The following CRTC3 variants were observed in gnomAD, a reference collection of about 807,000 sequenced individuals.
The protein encoded by CRTC3 is CREB regulated transcription coactivator 3, also known as CREB-regulated transcription coactivator 3.
Under a neutral mutation model 74.5 loss-of-function variants are expected in CRTC3, and 26 were observed. The ratio of observed to expected loss-of-function variants is 0.35; its 90% CI spans 0.26 to 0.48. CRTC3 has a LOEUF of 0.48. Ranked by LOEUF, CRTC3 falls within the 20% of genes least tolerant of loss-of-function variation. CRTC3 has a pLI of 0.99. For missense variants in CRTC3, 760 were observed against 787.3 expected (o/e 0.97, Z 0.41); for synonymous variants, 377 against 325.8 (o/e 1.16, Z -1.69).
chr15:90,605,398 C>T (rs12903655), intron 5 of CRTC3, among the ~76,000 whole-genome samples: 30,453 of 152,002 alleles, frequency 0.2, 3,096 homozygotes, highest in Middle Eastern at 0.22. Context: ...ACCTCAGTCC[C>T]GTGACTGGCT....
rs149408148 is a variant in CRTC3 at position 90,617,954 on chromosome 15, T to G, written c.685T>G (p.Trp229Gly). Residue 229 changes from tryptophan to glycine, a missense_variant, in exon 8 of 15, where the codon TGG (tryptophan) becomes GGG (glycine). Trp to Gly is a radical substitution (Grantham distance 184). Coordinates refer to ENST00000268184, the MANE Select transcript of CRTC3 (RefSeq NM_022769.5). ...NVPKPLPKQL[W>G]ETKEIQSLSG... is the part of the protein sequence containing the mutation. ...TCCGAAGCCACTGCCAAAACAACTG[T>G]GGGAGACCAAGGAGGTGGGTGAACA... 7.4e-4 allele frequency: 1,188 copies of G among 1,608,028 alleles called. 1 individual carries two copies. Among genetic ancestry groups the G allele is most frequent in the Non-Finnish European group, 9.5e-4 (1,117 of 1,174,566 alleles).
chr15:90,537,600 G>A (rs570066406), intron 1 of CRTC3, among the ~76,000 whole-genome samples: 27 of 152,194 alleles, frequency 1.8e-4, no homozygotes, highest in Admixed American at 1.6e-3. Context: ...TAGCCAGGAT[G>A]GTCTCGATCT....
rs1015256113 is a variant in CRTC3 at position 90,640,963 on chromosome 15, C to T, written c.1549-134C>T. The T allele has an allele frequency of 4.5e-5, 30 of 663,026 alleles. No homozygotes were observed. In the Admixed American group the frequency reaches 6.5e-4, roughly 14 times the overall value. The allele number at this position is 663,026 out of a possible 1,614,324, so 41.1% of individuals were successfully genotyped here. On this transcript the variant is annotated intron_variant, in intron 13 of 14. Coordinates refer to ENST00000268184, the MANE Select transcript of CRTC3 (RefSeq NM_022769.5). ...CATGCATTACCATAAGAGCAAAGCACTCTGGGATCCTGGAAAGAAGGGAAT... is the reference window on the plus strand; with the variant it reads ...CATGCATTACCATAAGAGCAAAGCATTCTGGGATCCTGGAAAGAAGGGAAT...
In CRTC3 at chr15:90,630,932, C is replaced by T. The variant is rs1219580961; in HGVS notation, c.1266+1400C>T. On this transcript the variant is annotated intron_variant, in intron 11 of 14. Transcript: ENST00000268184. ...AGCTGGGACTACAGGCGCCCGCCACCGTGCCCGGCTAATTTTTTGTATTTT... is the reference window on the plus strand; with the variant it reads ...AGCTGGGACTACAGGCGCCCGCCACTGTGCCCGGCTAATTTTTTGTATTTT... Among the ~76,000 whole-genome samples the T allele has an allele frequency of 1.6e-4, 9 of 57,872 alleles. 4 individuals carry two copies. Among genetic ancestry groups the T allele is most frequent in the African/African-American group, 4.1e-4 (9 of 22,154 alleles). The allele number at this position is 57,872 out of a possible 152,430, so 38.0% of individuals were successfully genotyped here. A position where few individuals can be genotyped will look rare whatever the true frequency, so the allele number is the denominator to read the frequency against.
intron 11 of CRTC3, among the ~76,000 whole-genome samples, chr15:90,633,989 G>A (rs1398390226): frequency 1.4e-5 from 2 of 147,256 alleles, no homozygotes; most frequent in African/African-American, 5.0e-5. Context: ...TTATCTCTCA[G>A]GTTTTTAGTG....
chr15:90,641,031 G>C (rs896108703), intron 13 of CRTC3, 66 bp from the exon 14 acceptor site: 3 of 1,024,036 alleles, frequency 2.9e-6, no homozygotes, highest in African/African-American at 3.1e-5. Context: ...GGAGCACATT[G>C]CAATACTCAC....
chr15:90,542,307 T>G (rs1337200367), intron 2 of CRTC3, among the ~76,000 whole-genome samples: 1 of 151,998 alleles, frequency 6.6e-6, no homozygotes, highest in East Asian at 1.9e-4. Context: ...GCCTCCCAAG[T>G]AGCTGGGATC....
At chr15:90,547,147 A>G (rs1467157092) in intron 2 of CRTC3, among the ~76,000 whole-genome samples, 1 of 152,224 alleles carries the variant, frequency 6.6e-6, no homozygotes, top group East Asian at 1.9e-4. Context: ...TTTATGGTAT[A>G]CGATACGATA....
rs1030916452 is a variant in CRTC3, at chr15:90,551,662, C to T, written c.231+11525C>T. On this transcript the variant is annotated intron_variant, in intron 2 of 14. Coordinates refer to ENST00000268184, the MANE Select transcript of CRTC3 (RefSeq NM_022769.5). The stretch of plus-strand genomic sequence containing the variant: ...TAAGAGCCCAGGGCTTTAAGGTGAT[C>T]TTCCCTTCCCTGCTCGTCTTTATCA... Among the ~76,000 whole-genome samples the T allele has an allele frequency of 2.0e-5, 3 of 152,240 alleles. No individual in the cohort carries two copies. The East Asian group carries it at 5.8e-4, about 29-fold the overall frequency.
At chr15:90,638,882 G>C in intron 13 of CRTC3, 67 bp downstream of exon 13, 1 of 1,354,940 alleles carries the variant, frequency 7.4e-7, no homozygotes, top group South Asian at 1.2e-5. Flanking sequence ...TGTTCATTCT[G>C]TAGAATTCAG....
chr15:90,544,305 A>G (rs566085859), intron 2 of CRTC3, among the ~76,000 whole-genome samples: 11 of 152,192 alleles, frequency 7.2e-5, no homozygotes, highest in Non-Finnish European at 1.5e-5. Context: ...CTTATAAAGA[A>G]CTAGTCATTG....
chr15:90,619,043 C>T (rs892554790), intron 8 of CRTC3, among the ~76,000 whole-genome samples: 3 of 152,218 alleles, frequency 2.0e-5, no homozygotes, highest in African/African-American at 7.2e-5. Context: ...CCGTCTGGAG[C>T]TTATATTCTA....
At chr15:90,569,773 T>C (rs1967218163) in intron 2 of CRTC3, among the ~76,000 whole-genome samples, 1 of 151,826 alleles carries the variant, frequency 6.6e-6, no homozygotes, top group African/African-American at 2.4e-5. Context: ...AGAGACAGAG[T>C]CTCACTATAT....
In CRTC3 at chr15:90,573,875, C is replaced by T. The variant is rs543644799; in HGVS notation, c.232-19761C>T. On this transcript the variant is annotated intron_variant, in intron 2 of 14. Transcript: ENST00000268184. ...CCCACAGGTGCAACCACTGTTGTCA[C>T]GTTTATTTATTCCTTCAGGAATATT... 5.3e-5 allele frequency among the ~76,000 whole-genome samples: 8 copies of T among 152,280 alleles called. No individual in the cohort carries two copies. The South Asian group carries it at 1.5e-3, about 28-fold the overall frequency.
At chr15:90,575,476 A>G (rs1713194107) in intron 2 of CRTC3, among the ~76,000 whole-genome samples, 1 of 152,244 alleles carries the variant, frequency 6.6e-6, no homozygotes, top group Non-Finnish European at 1.5e-5. Context: ...TCTTTGATCC[A>G]TCATGTGCTT....
In CRTC3 at chr15:90,551,909, A is replaced by G. The variant is rs1398495190; in HGVS notation, c.231+11772A>G. Reference sequence around the variant, plus strand: ...GGTGTGTGGTAAGGCGCGCCCTTACATTACATTACATTACACACACGCACA... The same window carrying G: ...GGTGTGTGGTAAGGCGCGCCCTTACGTTACATTACATTACACACACGCACA... On this transcript the variant is annotated intron_variant, in intron 2 of 14. Transcript: ENST00000268184. 4.2e-5 allele frequency among the ~76,000 whole-genome samples: 6 copies of G among 142,610 alleles called. 1 individual carries two copies. The highest frequency in any genetic ancestry group is 6.1e-5 in the Non-Finnish European group (4 of 65,898). The allele number at this position is 142,610 out of a possible 152,430, so 93.6% of individuals were successfully genotyped here.
At position 90,561,651 on chromosome 15, in the gene CRTC3, A is replaced by C. The variant is rs55871945; in HGVS notation, c.231+21514A>C. Among the ~76,000 whole-genome samples, 448 of 152,262 alleles carry C rather than the reference A, an allele frequency of 2.9e-3. 1 individual carries two copies. Among genetic ancestry groups the C allele is most frequent in the African/African-American group, 0.01 (430 of 41,550 alleles). On this transcript the variant is annotated intron_variant, in intron 2 of 14. Transcript: ENST00000268184. The stretch of plus-strand genomic sequence containing the variant: ...AGCAATCCTCTTACCTATCTCCTTA[A>C]TCCAGCCTCTGACTGCCAGCTCACA...
chr15:90,583,808 TTTGTTATACA>T (rs1311554368), intron 2 of CRTC3, among the ~76,000 whole-genome samples: 1 of 152,116 alleles, frequency 6.6e-6, no homozygotes, highest in Admixed American at 6.5e-5. Context: ...ACGCTGGAGA[TTTGTTATACA>T]TTTTGAACTT....
chr15:90,536,537 C>T (rs189754681), intron 1 of CRTC3, among the ~76,000 whole-genome samples: 1 of 151,916 alleles, frequency 6.6e-6, no homozygotes, highest in African/African-American at 2.4e-5. Flanking sequence ...ATTTGCACAT[C>T]CATAAATTTT....
Sources: gnomAD v4.1 joint callset for allele counts (sites outside exome capture counted in the v4.1 genomes callset) on GRCh38, gnomAD v4.1.1 for gene constraint, MANE v1.5 for transcripts, NCBI Gene and HGNC (gene_info 2026-07-23, HGNC 2026-07-21) for gene names.